The following ABCC10 variants were observed in gnomAD, a reference collection of about 807,000 sequenced individuals.
The protein encoded by ABCC10 is ATP-binding cassette sub-family C member 10.
In ABCC10, 110 loss-of-function variants were observed where a neutral mutation model predicts 143.2. The ratio of observed to expected loss-of-function variants is 0.77; its 90% CI spans 0.66 to 0.90. The LOEUF is 0.90. Among genes scored for constraint, ABCC10 ranks in the 40% least tolerant of loss-of-function variants. The pLI, the probability that ABCC10 is intolerant of heterozygous loss-of-function variation, is 0.00. For synonymous variants in ABCC10, 805 were observed against 846.7 expected, an observed-to-expected ratio of 0.95 and a Z score of 0.85; for missense variants, 1,700 against 1,900.5, an observed-to-expected ratio of 0.89 and a Z score of 1.96.
intron 21 of ABCC10, 49 bp from the exon 22 acceptor site, chr6:43,449,880 T>A: frequency 6.2e-7 from 1 of 1,602,762 alleles, no homozygotes; most frequent in African/African-American, 1.3e-5. Context: ...GTGTTCTTAC[T>A]TAGGGCATTG....
At chr6:43,442,030 G>A (rs1398796536) in intron 9 of ABCC10, 70 bp downstream of exon 9, 1 of 1,357,366 alleles carries the variant, frequency 7.4e-7, no homozygotes, top group Non-Finnish European at 1.0e-6. Context: ...ACTTGGCTGA[G>A]TTAGGAGGAT....
intron 12 of ABCC10, 22 bp downstream of exon 12, chr6:43,444,375 T>C: frequency 1.3e-6 from 2 of 1,579,006 alleles, no homozygotes; most frequent in Non-Finnish European, 1.7e-6. Flanking sequence ...CCTGGGAGTC[T>C]CTTACATCGT....
rs527426021 is a variant in ABCC10 at position 43,443,332 on chromosome 6, G to A, written c.2416+173G>A. ...GGAGAACAGGAGGGAAAAGGAGTAC[G>A]TTGGTAAAATGCCAGTGTATTTGGG... On this transcript the variant is annotated intron_variant, in intron 10 of 21. Coordinates refer to ENST00000372530, the MANE Select transcript of ABCC10 (RefSeq NM_001198934.2). The surrounding 1 kb of genome is among the most constrained non-coding windows in gnomAD (Gnocchi z 4.2). 41 of 672,006 alleles carry A rather than the reference G, an allele frequency of 6.1e-5. 1 individual carries two copies. Among genetic ancestry groups the A allele is most frequent in the African/African-American group, 5.3e-4 (29 of 54,916 alleles). 41.6% of individuals were successfully genotyped at this position (672,006 alleles called of 1,614,324 possible). A position where few individuals can be genotyped will look rare whatever the true frequency, so the allele number is the denominator to read the frequency against.
intron 8 of ABCC10, 61 bp from the exon 9 acceptor site, chr6:43,441,801 T>C: frequency 1.4e-6 from 2 of 1,387,168 alleles, no homozygotes. Context: ...TGCAAAGGGA[T>C]AGGAAGTGGG....
chr6:43,437,894 T>A (rs369793513), intron 6 of ABCC10, 40 bp from the exon 7 acceptor site: 1 of 1,596,186 alleles, frequency 6.3e-7, no homozygotes, highest in Non-Finnish European at 8.5e-7. Flanking sequence ...CTCTGTCCTG[T>A]CTCCTACCAA....
chr6:43,434,997 G>A (rs935061952), intron 4 of ABCC10, 149 bp downstream of exon 4: 42 of 779,720 alleles, frequency 5.4e-5, no homozygotes, highest in Non-Finnish European at 7.3e-5. Flanking sequence ...AAACCTTTTT[G>A]TGGGGGCCTT....
At chr6:43,440,995 C>G (rs1418035608) in intron 8 of ABCC10, among the ~76,000 whole-genome samples, 1 of 151,868 alleles carries the variant, frequency 6.6e-6, no homozygotes, top group Non-Finnish European at 1.5e-5. Flanking sequence ...CCTAGCTACT[C>G]TGGAGGCTGA....
intron 2 of ABCC10, among the ~76,000 whole-genome samples, chr6:43,430,121 T>TA (rs1222457316): frequency 6.7e-6 from 1 of 149,108 alleles, no homozygotes; most frequent in Non-Finnish European, 1.5e-5. Flanking sequence ...GACAGGGTCT[T>TA]ACTCTGTCAC....
At position 43,432,575 on chromosome 6, in the gene ABCC10, T is replaced by C. The variant is rs1390240867; in HGVS notation, c.595T>C (p.Trp199Arg). The C allele has an allele frequency of 1.2e-6, 2 of 1,613,542 alleles. No homozygotes were observed. The highest frequency in any genetic ancestry group is 2.7e-5 in the African/African-American group (2 of 74,934). Residue 199 changes from tryptophan to arginine, a missense_variant, in exon 3 of 22, where the codon TGG becomes CGG. By Grantham distance (101) the Trp-to-Arg change is moderately radical. Transcript: ENST00000372530. ...AGCTCCTGGGGGACCACGAGAACCCTGGGCTCAGGAGCCCCTCCTGCCCGA... is the reference window on the plus strand; with the variant it reads ...AGCTCCTGGGGGACCACGAGAACCCCGGGCTCAGGAGCCCCTCCTGCCCGA... Reference protein sequence around the residue: ...WAAPGGPREPWAQEPLLPEDQ... With the variant: ...WAAPGGPREPRAQEPLLPEDQ...
chr6:43,434,611 C>T lies in ABCC10; in HGVS notation c.1381-10C>T. On this transcript the variant is annotated splice_polypyrimidine_tract_variant and intron_variant, in intron 3 of 21. Transcript: ENST00000372530. ...CCACTTCACGCCTCTCCCTTGTCTC[C>T]TTTCCCTAGCTTGTGACAGAGCTGC... The T allele has an allele frequency of 6.2e-7, 1 of 1,611,002 alleles. No individual in the cohort carries two copies. The highest frequency in any genetic ancestry group is 8.5e-7 in the Non-Finnish European group (1 of 1,177,936).
intron 21 of ABCC10, 98 bp from the exon 22 acceptor site, chr6:43,449,831 C>G: frequency 2.2e-6 from 3 of 1,389,164 alleles, no homozygotes; most frequent in South Asian, 1.3e-5. Context: ...TGGGGACAGA[C>G]CTGTGGTGTC....
In ABCC10 at chr6:43,447,843, C is replaced by T. The variant is rs758260402; in HGVS notation, c.3865C>T (p.Leu1289=). The change falls in exon 18 of 22, where the codon CTG becomes TTG. Residue 1289 remains leucine, a synonymous_variant. Coordinates refer to ENST00000372530, the MANE Select transcript of ABCC10 (RefSeq NM_001198934.2). ...CCGCACAGGCTCCGGCAAGTCTTCC[C>T]TGTTGTTGGTGCTCTTCCGGCTGCT... is the stretch of plus-strand genomic sequence containing the variant. ...VGRTGSGKSS[L]LLVLFRLLEP... The T allele has an allele frequency of 1.9e-6, 3 of 1,613,904 alleles. No individual in the cohort carries two copies. Among genetic ancestry groups the T allele is most frequent in the Non-Finnish European group, 1.7e-6 (2 of 1,180,040 alleles).
In ABCC10 at chr6:43,432,732, C is replaced by A. The variant is rs760785705; in HGVS notation, c.752C>A (p.Pro251His). The stretch of plus-strand genomic sequence containing the variant: ...CAGCCTCAGGACATTTGCCGCCTCC[C>A]CCACAGACTGCAGCCAACCTACCTG... Reference protein sequence around the residue: ...LRQPQDICRLPHRLQPTYLAR... With the variant: ...LRQPQDICRLHHRLQPTYLAR... The change falls in exon 3 of 22, where the codon CCC (proline) becomes CAC (histidine). Residue 251 changes from proline (P) to histidine (H), a missense_variant. Physicochemically the swap from Pro to His is moderately conservative, Grantham distance 77. Transcript: ENST00000372530. 1 of 1,614,170 alleles carries A rather than the reference C, an allele frequency of 6.2e-7. No homozygotes were observed. Among genetic ancestry groups the A allele is most frequent in the South Asian group, 1.1e-5 (1 of 91,092 alleles).
At position 43,447,722 on chromosome 6, in the gene ABCC10, C is replaced by A. The variant is rs751902280; in HGVS notation, c.3744C>A (p.Phe1248Leu). The change falls in exon 18 of 22, where the codon TTC becomes TTA. Residue 1248 changes from phenylalanine (F) to leucine (L), a missense_variant. Transcript: ENST00000372530. ...GGCTGACCCAGGGGGGCGTGGAGTT[C>A]CAGGACGTGGTGTTGGCGTACCGGC... The part of the protein sequence containing the change: ...TGWLTQGGVE[F>L]QDVVLAYRPG... 23 of 1,614,032 alleles carry A rather than the reference C, an allele frequency of 1.4e-5. No homozygotes were observed. Among genetic ancestry groups the A allele is most frequent in the Non-Finnish European group, 1.9e-5 (22 of 1,180,046 alleles).
chr6:43,441,697 A>C (rs907832986), intron 8 of ABCC10, among the ~76,000 whole-genome samples, 165 bp from the exon 9 acceptor site: 2 of 152,220 alleles, frequency 1.3e-5, no homozygotes, highest in Admixed American at 6.5e-5. Flanking sequence ...GCTTGATGTT[A>C]TTGGAATTAT....
intron 14 of ABCC10, 45 bp from the exon 15 acceptor site, chr6:43,445,554 C>T (rs375409487): frequency 1.9e-4 from 292 of 1,572,752 alleles, no homozygotes; most frequent in Non-Finnish European, 2.4e-4. Context: ...GCCAACCCCT[C>T]TTCTGCCAGA....
intron 8 of ABCC10, among the ~76,000 whole-genome samples, chr6:43,441,417 A>G (rs1346499114): frequency 1.3e-5 from 2 of 152,098 alleles, no homozygotes; most frequent in Non-Finnish European, 2.9e-5. Context: ...TGGAGGTTTC[A>G]GTGAGCTGAG....
chr6:43,438,834 C>G, intron 8 of ABCC10, 39 bp downstream of exon 8: 8 of 1,608,060 alleles, frequency 5.0e-6, no homozygotes, highest in African/African-American at 1.3e-5. Flanking sequence ...CTGCCTGTTT[C>G]TCCAGTGTCC....
Position 43,432,979 on chromosome 6 carries a change from G to A in ABCC10, c.999G>A (p.Gly333=), listed in dbSNP as rs375765975. The A allele has an allele frequency of 3.7e-6, 6 of 1,614,150 alleles. No homozygotes were observed. In the African/African-American group the frequency reaches 5.3e-5, roughly 14 times the overall value. The change falls in exon 3 of 22, where the codon GGG becomes GGA. Residue 333 remains glycine (G), a synonymous_variant. Coordinates refer to ENST00000372530, the MANE Select transcript of ABCC10 (RefSeq NM_001198934.2). ...GLLYALGLAG[G]AVLGAVLQNQ... is the part of the protein sequence containing the mutation. ...TCTATGCTCTGGGGCTAGCCGGTGG[G>A]GCTGTGCTGGGTGCTGTGCTGCAGA...
Sources: gnomAD v4.1 joint callset for allele counts (sites outside exome capture counted in the v4.1 genomes callset) on GRCh38, gnomAD v4.1.1 for gene constraint, Gnocchi (gnomAD v3.1) non-coding constraint, MANE v1.5 for transcripts, NCBI Gene and HGNC (gene_info 2026-07-23, HGNC 2026-07-21) for gene names.